Variants in ST18 observed in about 807,000 individuals in gnomAD.
The protein encoded by ST18 is suppression of tumorigenicity 18 protein.
In ST18, 50 loss-of-function variants were observed where a neutral mutation model predicts 110.0. That is an observed-to-expected ratio of 0.45 (90% CI 0.36 to 0.58). The LOEUF (loss-of-function observed/expected upper bound fraction) is 0.58. Ranked by LOEUF, ST18 falls within the 20% of genes least tolerant of loss-of-function variation. The probability of loss-of-function intolerance (pLI) is 0.00; values close to 1 mark genes in which losing one functional copy is unlikely to be tolerated. For synonymous variants in ST18, 461 were observed against 452.4 expected (o/e 1.02, Z -0.24); for missense variants, 1,306 against 1,280.1 (o/e 1.02, Z -0.31).
At chr8:52,123,410 A>G (rs2130986275) in intron 23 of ST18, among the ~76,000 whole-genome samples, 1 of 152,286 alleles carries the variant, frequency 6.6e-6, no homozygotes. Context: ...CCAGAGAACA[A>G]TTATTGTGGC....
chr8:52,159,245 G>A, intron 14 of ST18, 136 bp from the exon 15 acceptor site: 1 of 816,822 alleles, frequency 1.2e-6, no homozygotes, highest in Admixed American at 2.9e-5. Flanking sequence ...TTATCCATGG[G>A]AACATTAAAT....
chr8:52,153,742 T>C (rs1296535110), intron 15 of ST18, among the ~76,000 whole-genome samples: 1 of 152,232 alleles, frequency 6.6e-6, no homozygotes, highest in African/African-American at 2.4e-5. Context: ...GAAGAGAAGT[T>C]AGACAGGCAT....
rs184320619 is a variant in ST18, at chr8:52,348,689, A to G, written c.-465+60639T>C. On this transcript the variant is annotated intron_variant, in intron 2 of 25. Coordinates refer to ENST00000689386, the MANE Select transcript of ST18 (RefSeq NM_001352837.2). ...AACCCGGGAGGCAGAGGTTGCAGTGAGCCGAGATCGTGCCATTGCACTTCA... is the reference window on the plus strand; with the variant it reads ...AACCCGGGAGGCAGAGGTTGCAGTGGGCCGAGATCGTGCCATTGCACTTCA... 8.9e-4 allele frequency among the ~76,000 whole-genome samples: 135 copies of G among 152,306 alleles called. 1 individual carries two copies. In the East Asian group the frequency reaches 0.021, roughly 23 times the overall value.
intron 2 of ST18, among the ~76,000 whole-genome samples, chr8:52,341,382 T>C (rs973886931): frequency 2.0e-5 from 3 of 152,138 alleles, no homozygotes; most frequent in African/African-American, 7.2e-5. Flanking sequence ...TGTCTAAAAA[T>C]TTGCTAAGAC....
At chr8:52,126,285 A>G (rs2047036695) in intron 22 of ST18, 145 bp from the exon 23 acceptor site, 2 of 733,050 alleles carry the variant, frequency 2.7e-6, no homozygotes, top group Admixed American at 3.1e-5. Context: ...AGAGTAATGA[A>G]TACATACCCA....
At chr8:52,262,658 A>C (rs969860740) in intron 2 of ST18, among the ~76,000 whole-genome samples, 19 of 152,228 alleles carry the variant, frequency 1.2e-4, no homozygotes, top group African/African-American at 4.6e-4. Flanking sequence ...AATAAAGCTA[A>C]TATTACCCAA....
At chr8:52,204,114 C>T (rs891408861) in intron 8 of ST18, among the ~76,000 whole-genome samples, 1 of 152,170 alleles carries the variant, frequency 6.6e-6, no homozygotes, top group East Asian at 1.9e-4. Context: ...CAAAGACTTA[C>T]AGACCAAGGG....
At chr8:52,116,588 TG>T (rs2042632232) in intron 24 of ST18, among the ~76,000 whole-genome samples, 170 bp from the exon 25 acceptor site, 1 of 152,252 alleles carries the variant, frequency 6.6e-6, no homozygotes, top group Non-Finnish European at 1.5e-5. Context: ...TTTGAAGTGC[TG>T]GAATCAAATC....
At chr8:52,387,247 C>A (rs1590574907) in intron 2 of ST18, among the ~76,000 whole-genome samples, 1 of 152,226 alleles carries the variant, frequency 6.6e-6, no homozygotes, top group East Asian at 1.9e-4. Context: ...AAATTATCAT[C>A]TCTAAATCTC....
chr8:52,154,518 G>A (rs1471127732), intron 15 of ST18: 1 of 152,120 alleles, frequency 6.6e-6, no homozygotes, highest in Non-Finnish European at 1.5e-5. Context: ...GTGGGAGGAG[G>A]GAAGAAAACG....
rs116614295 is a variant in ST18 at position 52,375,807 on chromosome 8, C to T, written c.-465+33521G>A. On this transcript the variant is annotated intron_variant, in intron 2 of 25. Coordinates refer to ENST00000689386, the MANE Select transcript of ST18 (RefSeq NM_001352837.2). ...TGCACGCACATTAAATCAACACACC[C>T]GGACTGAGCCGCAGGTCTTCACCAG... Among the ~76,000 whole-genome samples the T allele has an allele frequency of 5.0e-3, 768 of 152,182 alleles. 7 individuals carry two copies. The highest frequency in any genetic ancestry group is 0.015 in the African/African-American group (607 of 41,480).
intron 2 of ST18, among the ~76,000 whole-genome samples, chr8:52,338,353 C>T (rs370565290): frequency 7.9e-5 from 12 of 151,840 alleles, no homozygotes; most frequent in East Asian, 2.0e-4. Flanking sequence ...CCACCGTGCC[C>T]GGCCAGACAT....
intron 23 of ST18, among the ~76,000 whole-genome samples, chr8:52,124,387 T>G (rs928126752): frequency 2.0e-5 from 3 of 151,962 alleles, no homozygotes; most frequent in Non-Finnish European, 2.9e-5. Context: ...TGTTGGCCAG[T>G]ATGGTCTTGA....
At chr8:52,265,349 T>A (rs951284147) in intron 2 of ST18, among the ~76,000 whole-genome samples, 2 of 150,268 alleles carry the variant, frequency 1.3e-5, no homozygotes, top group Admixed American at 6.6e-5. Context: ...GTGTTTGGAT[T>A]TACTGTAAGT....
At chr8:52,167,165 T>C (rs764579361) in intron 10 of ST18, among the ~76,000 whole-genome samples, 179 bp from the exon 11 acceptor site, 6 of 152,236 alleles carry the variant, frequency 3.9e-5, no homozygotes. Flanking sequence ...AAACATGTTT[T>C]CAATTTTCTT....
At chr8:52,123,292 C>G (rs1391439703) in intron 23 of ST18, among the ~76,000 whole-genome samples, 1 of 152,142 alleles carries the variant, frequency 6.6e-6, no homozygotes, top group East Asian at 1.9e-4. Context: ...TTTAAATTAA[C>G]ATAGTATGCT....
chr8:52,359,925 T>A (rs1310277441), intron 2 of ST18, among the ~76,000 whole-genome samples: 1 of 152,184 alleles, frequency 6.6e-6, no homozygotes, highest in East Asian at 1.9e-4. Context: ...GCCATTTGCC[T>A]TGCATCCATT....
chr8:52,348,753 A>G (rs1818895382), intron 2 of ST18, among the ~76,000 whole-genome samples: 1 of 152,212 alleles, frequency 6.6e-6, no homozygotes, highest in Non-Finnish European at 1.5e-5. Flanking sequence ...CTCAAAAAAA[A>G]TTGTATATAT....
chr8:52,286,211 G>T (rs1195840713), intron 2 of ST18, among the ~76,000 whole-genome samples: 1 of 152,186 alleles, frequency 6.6e-6, no homozygotes, highest in South Asian at 2.1e-4. Context: ...GTTTTGGTCA[G>T]TTTGCAAATG....
Sources: gnomAD v4.1 joint callset for allele counts (sites outside exome capture counted in the v4.1 genomes callset) on GRCh38, gnomAD v4.1.1 for gene constraint, MANE v1.5 for transcripts, NCBI Gene and HGNC (gene_info 2026-07-23, HGNC 2026-07-21) for gene names.